SLC5A10: variants seen among roughly 807,000 people sequenced by gnomAD.
SLC5A10 encodes the protein solute carrier family 5 member 10.
In SLC5A10, 55 loss-of-function variants were observed where a neutral mutation model predicts 68.9. That is an observed-to-expected ratio of 0.80 (90% CI 0.64 to 1.00). SLC5A10 has a LOEUF of 1.00. SLC5A10 is among the 50% of genes least tolerant of loss of function. The probability of loss-of-function intolerance (pLI) is 0.00; values close to 1 mark genes in which losing one functional copy is unlikely to be tolerated. For missense variants in SLC5A10, 732 were observed against 819.3 expected, an observed-to-expected ratio of 0.89 and a Z score of 1.30; for synonymous variants, 344 against 344.8, an observed-to-expected ratio of 1.00 and a Z score of 0.02.
chr17:18,968,870 G>A lies in SLC5A10; in HGVS notation c.454-182G>A, dbSNP rs576959646. The A allele has an allele frequency of 2.5e-5, 15 of 594,180 alleles. No homozygotes were observed. The highest frequency in any genetic ancestry group is 1.3e-4 in the African/African-American group (7 of 53,504). 36.8% of individuals were successfully genotyped at this position (594,180 alleles called of 1,614,324 possible). On this transcript the variant is annotated intron_variant, in intron 5 of 14. Transcript: ENST00000395645. This position sits in a 1 kb window ranked among gnomAD's most constrained non-coding sequence, Gnocchi z 4.1. ...CATCCGCACAAGCTTGTAGCTCCACGGCCAGGTCTTCCCCCAACCTCACAA... is the reference window on the plus strand; with the variant it reads ...CATCCGCACAAGCTTGTAGCTCCACAGCCAGGTCTTCCCCCAACCTCACAA...
chr17:18,979,627 G>C (rs371129276), intron 9 of SLC5A10: 2 of 1,613,348 alleles, frequency 1.2e-6, no homozygotes, highest in Non-Finnish European at 1.7e-6. Context: ...CTTGGTTGCC[G>C]ACCGCGTGAA....
At chr17:18,985,069 G>A (rs1183853051) in intron 9 of SLC5A10, among the ~76,000 whole-genome samples, 10 of 152,194 alleles carry the variant, frequency 6.6e-5, no homozygotes, top group African/African-American at 7.2e-5. Flanking sequence ...GGAAGGAGCC[G>A]AGTGAGGGTG....
chr17:18,953,172 G>C (rs761752618), intron 1 of SLC5A10, among the ~76,000 whole-genome samples: 2 of 137,102 alleles, frequency 1.5e-5, no homozygotes, highest in Non-Finnish European at 3.1e-5. Context: ...GTCTAGCACT[G>C]TCACCTGGGC....
chr17:18,962,999 C>G (rs1481720321), intron 5 of SLC5A10, among the ~76,000 whole-genome samples: 1 of 152,174 alleles, frequency 6.6e-6, no homozygotes, highest in Non-Finnish European at 1.5e-5. Context: ...AGGCGGATTG[C>G]CTGAGCTCAG....
In SLC5A10 at chr17:19,022,490, C is replaced by T; in HGVS notation, c.*2059C>T. 1 of 251,088 alleles carries T rather than the reference C, an allele frequency of 4.0e-6. No individual in the cohort carries two copies. The highest frequency in any genetic ancestry group is 7.2e-5 in the East Asian group (1 of 13,958). 15.6% of individuals were successfully genotyped at this position (251,088 alleles called of 1,614,324 possible). A position where few individuals can be genotyped will look rare whatever the true frequency, so the allele number is the denominator to read the frequency against. On this transcript the variant is annotated 3_prime_UTR_variant, in exon 15 of 15. Coordinates refer to ENST00000395645, the MANE Select transcript of SLC5A10 (RefSeq NM_001042450.4). ...TTGGGATCTTATTTACCCGACTCTG[C>T]AGCAGCCATGGTAGCTTTTGACTCC... is the stretch of plus-strand genomic sequence containing the variant.
intron 13 of SLC5A10, 67 bp downstream of exon 13, chr17:19,019,995 C>T (rs1326891927): frequency 2.7e-6 from 4 of 1,495,996 alleles, no homozygotes; most frequent in African/African-American, 2.8e-5. Context: ...TTCTCATCCC[C>T]GACCCACTCT....
intron 9 of SLC5A10, chr17:18,977,322 A>C: frequency 1.7e-6 from 1 of 571,954 alleles, no homozygotes; most frequent in Non-Finnish European, 3.1e-6. Context: ...GGCTTTGGAG[A>C]CCTCTAGGTG....
intron 1 of SLC5A10, among the ~76,000 whole-genome samples, chr17:18,956,284 C>T (rs948572587): frequency 8.6e-5 from 13 of 151,030 alleles, no homozygotes; most frequent in African/African-American, 3.2e-4. Context: ...TACAATGAAG[C>T]CTAATCATCC....
chr17:18,976,604 A>C, intron 8 of SLC5A10: 1 of 490,510 alleles, frequency 2.0e-6, no homozygotes, highest in Non-Finnish European at 3.6e-6. Flanking sequence ...CACCTCCCCT[A>C]TTGACAGGTC....
At chr17:18,978,226 G>A (rs1366967653) in intron 9 of SLC5A10, 2 of 1,583,790 alleles carry the variant, frequency 1.3e-6, no homozygotes, top group East Asian at 4.5e-5. Flanking sequence ...GGGGGGCACT[G>A]GGCTCTGGGG....
chr17:18,986,829 C>A (rs1411345167), intron 9 of SLC5A10, among the ~76,000 whole-genome samples: 1 of 152,230 alleles, frequency 6.6e-6, no homozygotes. Context: ...TCCTGGGCAT[C>A]GGGCAGGGCC....
rs768009374 is a variant in SLC5A10, at chr17:18,952,271, C to T, written c.66C>T (p.Ile22=). The T allele has an allele frequency of 7.0e-5, 113 of 1,613,804 alleles. No individual in the cohort carries two copies. The highest frequency in any genetic ancestry group is 1.3e-4 in the African/African-American group (10 of 74,914). ...CGCAGCTGAGCGTGGCTGACATCAT[C>T]GTCATCACTGTGTATTTTGCTCTGA... ...PGTQLSVADI[I]VITVYFALNV... is the part of the protein sequence containing the mutation. The change falls in exon 1 of 15, where the codon ATC becomes ATT. Residue 22 remains isoleucine, a synonymous_variant. Coordinates refer to ENST00000395645, the MANE Select transcript of SLC5A10 (RefSeq NM_001042450.4).
At chr17:18,964,901 G>C (rs1410990403) in intron 5 of SLC5A10, among the ~76,000 whole-genome samples, 5 of 152,158 alleles carry the variant, frequency 3.3e-5, no homozygotes, top group Admixed American at 3.3e-4. Flanking sequence ...CCAGCAATTT[G>C]GGAGGCCGAG....
At chr17:18,980,683 G>A (rs1181046884) in intron 9 of SLC5A10, among the ~76,000 whole-genome samples, 2 of 152,144 alleles carry the variant, frequency 1.3e-5, no homozygotes, top group Non-Finnish European at 2.9e-5. Context: ...AGGACAGGGC[G>A]AGCCTGGCTG....
At chr17:18,978,124 A>G (rs779965346) in intron 9 of SLC5A10, 1 of 1,518,002 alleles carries the variant, frequency 6.6e-7, no homozygotes, top group Non-Finnish European at 8.8e-7. Context: ...GGGCTAGTAC[A>G]TCTGCCACAG....
upstream of SLC5A10, chr17:18,951,735 C>G (rs2042371039): frequency 6.2e-6 from 1 of 160,220 alleles, no homozygotes; most frequent in Non-Finnish European, 1.4e-5. Context: ...GCTCAGTCCA[C>G]TCACAGCCCG....
chr17:19,004,172 G>T lies in SLC5A10; in HGVS notation c.983-9238G>T. 2.2e-6 allele frequency: 2 copies of T among 898,332 alleles called. No individual in the cohort carries two copies. Among genetic ancestry groups the T allele is most frequent in the Admixed American group, 3.2e-5 (1 of 31,460 alleles). The allele number at this position is 898,332 out of a possible 1,614,324, so 55.6% of individuals were successfully genotyped here. A position where few individuals can be genotyped will look rare whatever the true frequency, so the allele number is the denominator to read the frequency against. On this transcript the variant is annotated intron_variant, in intron 9 of 14. Transcript: ENST00000395645. The surrounding 1 kb of genome is among the most constrained non-coding windows in gnomAD (Gnocchi z 5.4). ...CTGCTTCTCTGCCCATGAGCAATCT[G>T]CGGGAAAGACCTGATGAGCCCGGCT...
intron 1 of SLC5A10, 111 bp from the exon 2 acceptor site, chr17:18,958,571 A>G: frequency 2.4e-6 from 2 of 816,816 alleles, no homozygotes; most frequent in Non-Finnish European, 4.1e-6. Flanking sequence ...CTTCTGGGTC[A>G]TATGGTGATT....
In SLC5A10 at chr17:19,017,686, G is replaced by A; in HGVS notation, c.1242-1737G>A. On this transcript the variant is annotated intron_variant, in intron 11 of 14. Coordinates refer to ENST00000395645, the MANE Select transcript of SLC5A10 (RefSeq NM_001042450.4). This position sits in a 1 kb window ranked among gnomAD's most constrained non-coding sequence, Gnocchi z 5.6. ...CTCTCCCCTGTCTGTGTTCCCGGCT[G>A]TTCAGTCCGTAAATGGGGCCCACAG... 2.7e-6 allele frequency: 1 copy of A among 376,334 alleles called. No individual in the cohort carries two copies. The highest frequency in any genetic ancestry group is 5.0e-6 in the Non-Finnish European group (1 of 200,764). The allele number at this position is 376,334 out of a possible 1,614,324, so 23.3% of individuals were successfully genotyped here. A position where few individuals can be genotyped will look rare whatever the true frequency, so the allele number is the denominator to read the frequency against.
Sources: gnomAD v4.1 joint callset for allele counts (sites outside exome capture counted in the v4.1 genomes callset) on GRCh38, gnomAD v4.1.1 for gene constraint, Gnocchi (gnomAD v3.1) non-coding constraint, MANE v1.5 for transcripts, NCBI Gene and HGNC (gene_info 2026-07-23, HGNC 2026-07-21) for gene names.